COL22A1: variants seen among roughly 807,000 people sequenced by gnomAD.
COL22A1 encodes collagen type XXII alpha 1 chain.
In COL22A1, 221 loss-of-function variants were observed where a neutral mutation model predicts 248.9. That is an observed-to-expected ratio of 0.89 (90% confidence interval 0.80 to 0.99). The LOEUF is 0.99. Ranked by LOEUF, COL22A1 falls within the 50% of genes least tolerant of loss-of-function variation. The pLI, the probability that COL22A1 is intolerant of heterozygous loss-of-function variation, is 0.00. For synonymous variants in COL22A1, 891 were observed against 793.4 expected (o/e 1.12, Z -2.07); for missense variants, 2,240 against 2,179.0 (o/e 1.03, Z -0.56).
chr8:138,813,149 C>T (rs747935071), intron 7 of COL22A1, 130 bp from the exon 8 acceptor site: 30 of 696,034 alleles, frequency 4.3e-5, no homozygotes, highest in Non-Finnish European at 6.0e-5. Flanking sequence ...GAGTCCACCC[C>T]AGGATACCCC....
intron 39 of COL22A1, among the ~76,000 whole-genome samples, chr8:138,682,468 T>C (rs1826037894): frequency 6.6e-6 from 1 of 152,226 alleles, no homozygotes; most frequent in Admixed American, 6.5e-5. Context: ...AAGCCCAAAA[T>C]GTAAACATTC....
At chr8:138,617,773 C>A (rs923122037) in intron 53 of COL22A1, among the ~76,000 whole-genome samples, 2 of 152,194 alleles carry the variant, frequency 1.3e-5, no homozygotes, top group Non-Finnish European at 2.9e-5. Flanking sequence ...TCCCATTTTG[C>A]AGCTGTGGGA....
At chr8:138,774,095 A>G (rs575979355) in intron 16 of COL22A1, among the ~76,000 whole-genome samples, 21 of 152,328 alleles carry the variant, frequency 1.4e-4, no homozygotes, top group African/African-American at 4.1e-4. Context: ...AGAGCTGACC[A>G]GCAAACAAAT....
chr8:138,901,480 C>T (rs1363123222), intron 1 of COL22A1, among the ~76,000 whole-genome samples: 3 of 151,616 alleles, frequency 2.0e-5, no homozygotes, highest in Non-Finnish European at 4.4e-5. Context: ...GATCCTCCCA[C>T]CTCAGCCTCC....
chr8:138,893,163 T>C (rs920299298), intron 1 of COL22A1, among the ~76,000 whole-genome samples: 2 of 152,206 alleles, frequency 1.3e-5, no homozygotes, highest in African/African-American at 4.8e-5. Context: ...TTCAACTCTG[T>C]GGAGCTTGGA....
At chr8:138,596,475 G>C (rs61496269) in intron 62 of COL22A1, among the ~76,000 whole-genome samples, 6,358 of 152,260 alleles carry the variant, frequency 0.042, 397 homozygotes, top group African/African-American at 0.14. Flanking sequence ...AATGCCTGCT[G>C]TGACAAATAA....
chr8:138,669,918 G>A (rs1037001920), intron 41 of COL22A1, among the ~76,000 whole-genome samples: 29 of 130,886 alleles, frequency 2.2e-4, no homozygotes, highest in African/African-American at 2.7e-4. Flanking sequence ...ATGGAGTCTC[G>A]CTCTGTCGCT....
intron 41 of COL22A1, among the ~76,000 whole-genome samples, chr8:138,668,395 TACACAC>T (rs754150343): frequency 6.6e-6 from 1 of 151,502 alleles, no homozygotes; most frequent in African/African-American, 2.4e-5. Flanking sequence ...AATTTATATA[TACACAC>T]ACACACACAC....
intron 17 of COL22A1, among the ~76,000 whole-genome samples, chr8:138,762,167 A>G (rs542213251): frequency 8.5e-5 from 13 of 152,160 alleles, no homozygotes; most frequent in African/African-American, 3.1e-4. Flanking sequence ...AGGCCTTTAC[A>G]TTATGATAAC....
At chr8:138,842,097 T>C (rs1820926277) in intron 4 of COL22A1, among the ~76,000 whole-genome samples, 1 of 152,242 alleles carries the variant, frequency 6.6e-6, no homozygotes, top group Non-Finnish European at 1.5e-5. Flanking sequence ...ATGTGGGCTT[T>C]GCTGAATGGT....
At chr8:138,603,626 G>T (rs892004291) in intron 59 of COL22A1, among the ~76,000 whole-genome samples, 2 of 152,154 alleles carry the variant, frequency 1.3e-5, no homozygotes, top group Non-Finnish European at 2.9e-5. Flanking sequence ...GCAGCCCTCA[G>T]AAATGGGAGC....
Position 138,722,091 on chromosome 8 carries a change from T to A in COL22A1, c.2248-2A>T. On this transcript the variant is annotated splice_acceptor_variant, in intron 25 of 64. Coordinates refer to ENST00000303045, the MANE Select transcript of COL22A1 (RefSeq NM_152888.3). LOFTEE classifies it high-confidence loss of function. Reference sequence around the variant, plus strand: ...TGGCCCGTCCTTTCCAGGGGGTCCCTGGGCCAAGAGGGGAAAACATAAATA... The same window carrying A: ...TGGCCCGTCCTTTCCAGGGGGTCCCAGGGCCAAGAGGGGAAAACATAAATA... 6.3e-7 allele frequency: 1 copy of A among 1,580,582 alleles called. No individual in the cohort carries two copies. Among genetic ancestry groups the A allele is most frequent in the African/African-American group, 1.3e-5 (1 of 74,468 alleles).
chr8:138,711,040 C>T (rs1586535510), intron 30 of COL22A1, among the ~76,000 whole-genome samples: 1 of 152,278 alleles, frequency 6.6e-6, no homozygotes, highest in Middle Eastern at 3.4e-3. Flanking sequence ...ATCCTGAGGG[C>T]TGTGGACAAG....
chr8:138,694,199 G>A (rs1363607334), intron 34 of COL22A1, among the ~76,000 whole-genome samples: 1 of 152,178 alleles, frequency 6.6e-6, no homozygotes, highest in Non-Finnish European at 1.5e-5. Flanking sequence ...ATGTGCAGAG[G>A]CCCTTGCTCT....
chr8:138,877,999 G>A lies in COL22A1; in HGVS notation c.409C>T (p.Pro137Ser). 1 of 1,580,856 alleles carries A rather than the reference G, an allele frequency of 6.3e-7. No individual in the cohort carries two copies. Among genetic ancestry groups the A allele is most frequent in the Non-Finnish European group, 8.6e-7 (1 of 1,163,728 alleles). The change falls in exon 3 of 65, where the codon CCC becomes TCC. Residue 137 changes from proline (P) to serine (S), a missense_variant. Coordinates refer to ENST00000303045, the MANE Select transcript of COL22A1 (RefSeq NM_152888.3). ...RSFSPHAGGR[P>S]RDRAYKQVAI... ...ACCTGCTTGTAGGCGCGGTCCCTGGGGCGGCCGCCGGCGTGTGGGGAGAAG... is the reference window on the plus strand; with the variant it reads ...ACCTGCTTGTAGGCGCGGTCCCTGGAGCGGCCGCCGGCGTGTGGGGAGAAG...
chr8:138,756,559 C>T (rs1030658246), intron 18 of COL22A1, among the ~76,000 whole-genome samples: 4 of 152,088 alleles, frequency 2.6e-5, no homozygotes, highest in Non-Finnish European at 5.9e-5. Flanking sequence ...CCACACATGA[C>T]GTAGGGACAT....
rs139105532 is a variant in COL22A1, at chr8:138,752,402, C to A, written c.2032-891G>T. On this transcript the variant is annotated intron_variant, in intron 21 of 64. Coordinates refer to ENST00000303045, the MANE Select transcript of COL22A1 (RefSeq NM_152888.3). ...TGCTGCTAAATTTTGCGTAACTGTA[C>A]GTGACCAAGCTGCATTTACATCAAA... Among the ~76,000 whole-genome samples the A allele has an allele frequency of 2.5e-3, 374 of 152,292 alleles. 3 individuals are homozygous for A. Among genetic ancestry groups the A allele is most frequent in the African/African-American group, 8.5e-3 (355 of 41,550 alleles).
intron 46 of COL22A1, among the ~76,000 whole-genome samples, chr8:138,647,700 T>C (rs4909441): frequency 0.87 from 132,047 of 152,064 alleles, 57,657 homozygotes; most frequent in Middle Eastern, 0.96. Flanking sequence ...TGGGGGTTCG[T>C]GGCCCCCTGC....
chr8:138,762,142 C>T lies in COL22A1; in HGVS notation c.1857+271G>A, dbSNP rs554848778. Among the ~76,000 whole-genome samples, 18 of 152,294 alleles carry T rather than the reference C, an allele frequency of 1.2e-4. No individual in the cohort carries two copies. The South Asian group carries it at 2.1e-3, about 18-fold the overall frequency. ...CTGCTTACACACATCACCTTGAAAACGTGCGCGTGGTCAGAGGCCTTTACA... is the reference window on the plus strand; with the variant it reads ...CTGCTTACACACATCACCTTGAAAATGTGCGCGTGGTCAGAGGCCTTTACA... On this transcript the variant is annotated intron_variant, in intron 17 of 64. Coordinates refer to ENST00000303045, the MANE Select transcript of COL22A1 (RefSeq NM_152888.3).
Sources: allele counts gnomAD v4.1 joint callset (sites outside exome capture counted in the v4.1 genomes callset), GRCh38; gene constraint gnomAD v4.1.1; transcripts MANE v1.5; gene names NCBI Gene and HGNC (gene_info 2026-07-23, HGNC 2026-07-21).